PRDM16: variants seen among roughly 807,000 people sequenced by gnomAD.
PRDM16 encodes PR/SET domain 16.
Under a neutral mutation model 110.6 loss-of-function variants are expected in PRDM16, and 23 were observed. The ratio of observed to expected loss-of-function variants is 0.21; its 90% CI spans 0.15 to 0.29. PRDM16 has a LOEUF of 0.29. Among genes scored for constraint, PRDM16 ranks in the 10% least tolerant of loss-of-function variants. PRDM16 has a pLI of 1.00. For synonymous variants in PRDM16, 799 were observed against 781.8 expected (o/e 1.02, Z -0.37); for missense variants, 1,615 against 1,794.3 (o/e 0.90, Z 1.81).
chr1:3,327,722 G>T (rs181074980), intron 3 of PRDM16, among the ~76,000 whole-genome samples: 3 of 152,138 alleles, frequency 2.0e-5, no homozygotes, highest in Non-Finnish European at 2.9e-5. Context: ...CACTCAAAGC[G>T]CCACCACTGC....
intron 1 of PRDM16, among the ~76,000 whole-genome samples, chr1:3,158,956 A>G (rs907711027): frequency 3.3e-5 from 5 of 152,100 alleles, no homozygotes; most frequent in Admixed American, 2.6e-4. Flanking sequence ...TTTTTAGTAG[A>G]GACGGGGTTT....
intron 3 of PRDM16, among the ~76,000 whole-genome samples, chr1:3,304,496 C>T (rs976483083): frequency 5.3e-5 from 8 of 152,236 alleles, no homozygotes; most frequent in African/African-American, 9.6e-5. Flanking sequence ...CTTGGCGTCA[C>T]GGAGCTACTG....
chr1:3,153,373 C>T (rs2742661), intron 1 of PRDM16, among the ~76,000 whole-genome samples: 18,297 of 152,220 alleles, frequency 0.12, 1,209 homozygotes, highest in South Asian at 0.17. Context: ...TGTGTCTGAA[C>T]CAGTGTTGAA....
intron 2 of PRDM16, among the ~76,000 whole-genome samples, chr1:3,192,929 C>G (rs1638350367): frequency 2.0e-5 from 3 of 152,190 alleles, no homozygotes; most frequent in Admixed American, 2.0e-4. Context: ...CTGGGACTCA[C>G]TGAGTCACCA....
intron 3 of PRDM16, among the ~76,000 whole-genome samples, chr1:3,253,030 C>T (rs917413542): frequency 1.8e-4 from 27 of 152,102 alleles, no homozygotes; most frequent in African/African-American, 5.8e-4. Context: ...CGAGCCTGCG[C>T]GCTGCTGCTG....
chr1:3,162,348 C>G (rs936897291), intron 1 of PRDM16, among the ~76,000 whole-genome samples: 1 of 152,210 alleles, frequency 6.6e-6, no homozygotes, highest in Non-Finnish European at 1.5e-5. Flanking sequence ...CCTCCCTCCT[C>G]CCGCAGCCGC....
At chr1:3,114,177 A>ACACACG (rs1557455813) in intron 1 of PRDM16, among the ~76,000 whole-genome samples, 10 of 99,904 alleles carry the variant, frequency 1.0e-4, no homozygotes, top group East Asian at 4.2e-4. Context: ...ACACACACGC[A>ACACACG]CACACACGCA....
Position 3,143,897 on chromosome 1 carries a change from G to T in PRDM16, c.38-42228G>T, listed in dbSNP as rs1034240067. 2.0e-5 allele frequency among the ~76,000 whole-genome samples: 3 copies of T among 152,212 alleles called. No homozygotes were observed. Among genetic ancestry groups the T allele is most frequent in the Non-Finnish European group, 4.4e-5 (3 of 68,046 alleles). On this transcript the variant is annotated intron_variant, in intron 1 of 16. Coordinates refer to ENST00000270722, the MANE Select transcript of PRDM16 (RefSeq NM_022114.4). The surrounding 1 kb of genome is among the most constrained non-coding windows in gnomAD (Gnocchi z 4.5). ...GGAGGAGGAGGGACTGGCAAGCTTGGGGTTCCTGGGGCATCTTGTCATGTG... is the reference window on the plus strand; with the variant it reads ...GGAGGAGGAGGGACTGGCAAGCTTGTGGTTCCTGGGGCATCTTGTCATGTG...
intron 3 of PRDM16, chr1:3,307,595 T>C (rs904698621): frequency 6.6e-6 from 1 of 152,226 alleles, no homozygotes; most frequent in Admixed American, 6.5e-5. Context: ...ACTAACGTTC[T>C]CAGTCATGGA....
intron 3 of PRDM16, among the ~76,000 whole-genome samples, chr1:3,331,350 C>G (rs115966065): frequency 0.031 from 4,740 of 152,244 alleles, 244 homozygotes; most frequent in African/African-American, 0.11. Context: ...CCTTCATCCC[C>G]GAGTCCATTG....
rs1335617647 is a variant in PRDM16 at position 3,436,043 on chromosome 1, A to G, written c.*2232A>G. On this transcript the variant is annotated 3_prime_UTR_variant, in exon 17 of 17. Transcript: ENST00000270722. ...TCAGGCCTTCTCACGCGTTTCCACA[A>G]CATCCCCTGGGTCAGACCCACCAGG... 3 of 230,420 alleles carry G rather than the reference A, an allele frequency of 1.3e-5. No individual in the cohort carries two copies. The highest frequency in any genetic ancestry group is 2.6e-5 in the Non-Finnish European group (3 of 116,370). 14.3% of individuals were successfully genotyped at this position (230,420 alleles called of 1,614,324 possible). A position where few individuals can be genotyped will look rare whatever the true frequency, so the allele number is the denominator to read the frequency against.
rs1271175469 is a variant in PRDM16 at position 3,434,629 on chromosome 1, C to G, written c.*818C>G. 4.3e-6 allele frequency: 1 copy of G among 232,320 alleles called. No homozygotes were observed. Among genetic ancestry groups the G allele is most frequent in the Non-Finnish European group, 8.5e-6 (1 of 117,500 alleles). The allele number at this position is 232,320 out of a possible 1,614,324, so 14.4% of individuals were successfully genotyped here. ...GAGGCTGGGATGGGAAGTGTGCCTGCCCTCGTGTGACATGGAATTGGTGTC... is the reference window on the plus strand; with the variant it reads ...GAGGCTGGGATGGGAAGTGTGCCTGGCCTCGTGTGACATGGAATTGGTGTC... On this transcript the variant is annotated 3_prime_UTR_variant, in exon 17 of 17. Coordinates refer to ENST00000270722, the MANE Select transcript of PRDM16 (RefSeq NM_022114.4).
At chr1:3,150,458 T>C (rs1643754392) in intron 1 of PRDM16, among the ~76,000 whole-genome samples, 1 of 146,968 alleles carries the variant, frequency 6.8e-6, no homozygotes, top group Non-Finnish European at 1.5e-5. Context: ...AATTGGGAGG[T>C]AAGGTGGGAG....
intron 2 of PRDM16, among the ~76,000 whole-genome samples, chr1:3,239,413 C>T (rs375339901): frequency 2.0e-5 from 3 of 152,026 alleles, no homozygotes; most frequent in African/African-American, 7.2e-5. Flanking sequence ...ACCCCACAGT[C>T]TCCCAGCAGT....
At chr1:3,392,968 T>C (rs1226394180) in intron 4 of PRDM16, among the ~76,000 whole-genome samples, 1 of 152,280 alleles carries the variant, frequency 6.6e-6, no homozygotes, top group Non-Finnish European at 1.5e-5. Flanking sequence ...TTCGTGTTGT[T>C]CACCCACGTT....
At chr1:3,289,196 GCAA>G (rs1640919818) in intron 3 of PRDM16, among the ~76,000 whole-genome samples, 1 of 152,222 alleles carries the variant, frequency 6.6e-6, no homozygotes, top group Non-Finnish European at 1.5e-5. Context: ...GTGGCCACGG[GCAA>G]GGCCCCTGAT....
chr1:3,188,706 A>C (rs1316349420), intron 2 of PRDM16, among the ~76,000 whole-genome samples: 2 of 152,062 alleles, frequency 1.3e-5, no homozygotes, highest in Non-Finnish European at 2.9e-5. Context: ...TGGCTTTGGG[A>C]CCACCTTTGA....
chr1:3,334,296 T>C (rs1642101542), intron 3 of PRDM16, among the ~76,000 whole-genome samples: 1 of 151,278 alleles, frequency 6.6e-6, no homozygotes, highest in Non-Finnish European at 1.5e-5. Flanking sequence ...ATTGCCGGGG[T>C]TGGATGTAGG....
intron 1 of PRDM16, among the ~76,000 whole-genome samples, chr1:3,114,631 CACAT>C (rs1235662077): frequency 6.6e-6 from 1 of 151,722 alleles, no homozygotes; most frequent in African/African-American, 2.4e-5. Flanking sequence ...CATGAACACA[CACAT>C]ATGTGCAAGC....
Sources: allele counts gnomAD v4.1 joint callset (sites outside exome capture counted in the v4.1 genomes callset), GRCh38; gene constraint gnomAD v4.1.1; non-coding constraint Gnocchi (gnomAD v3.1); transcripts MANE v1.5; gene names NCBI Gene and HGNC (gene_info 2026-07-23, HGNC 2026-07-21).